The following P2RY12 variants were observed in gnomAD, a reference collection of about 807,000 sequenced individuals.
P2RY12 encodes P2Y purinoceptor 12.
Under a neutral mutation model 4.5 loss-of-function variants are expected in P2RY12, and 3 were observed. That is an observed-to-expected ratio of 0.67 (90% CI 0.31 to 1.74). The LOEUF (loss-of-function observed/expected upper bound fraction) is 1.74. Ranked by LOEUF, P2RY12 falls within the 40% of genes most tolerant of loss-of-function variation. The pLI is 0.09. For synonymous variants in P2RY12, 148 were observed against 154.1 expected (o/e 0.96, Z 0.29); for missense variants, 356 against 407.8 (o/e 0.87, Z 1.09).
chr3:151,369,483 G>A, intron 1 of P2RY12: 1 of 1,612,142 alleles, frequency 6.2e-7, no homozygotes, highest in Non-Finnish European at 8.5e-7. Context: ...ACACCTCTTA[G>A]CCGCTGCTCA....
At chr3:151,360,418 G>T in intron 1 of P2RY12, 1 of 1,530,100 alleles carries the variant, frequency 6.5e-7, no homozygotes, top group Non-Finnish European at 8.9e-7. Flanking sequence ...AGAGTCAAAT[G>T]ATAACCCACA....
At chr3:151,374,856 C>G (rs9865547) in intron 1 of P2RY12, among the ~76,000 whole-genome samples, 27,506 of 152,022 alleles carry the variant, frequency 0.18, 3,251 homozygotes, top group African/African-American at 0.33. Context: ...CCTCCCATAT[C>G]CCTCTTACCA....
chr3:151,352,434 G>A (rs1298108456), intron 1 of P2RY12, among the ~76,000 whole-genome samples: 2 of 152,184 alleles, frequency 1.3e-5, no homozygotes, highest in African/African-American at 2.4e-5. Context: ...AATTTGGGAT[G>A]TAGTGAGCTG....
At chr3:151,384,229 G>A (rs767452217) in intron 1 of P2RY12, 31 of 1,602,080 alleles carry the variant, frequency 1.9e-5, no homozygotes, top group Non-Finnish European at 2.6e-5. Context: ...GTAAGTTTGA[G>A]ATCAGCCTGT....
intron 1 of P2RY12, among the ~76,000 whole-genome samples, chr3:151,377,386 A>C (rs1298833956): frequency 6.6e-6 from 1 of 152,228 alleles, no homozygotes; most frequent in Non-Finnish European, 1.5e-5. Flanking sequence ...AAACACCTTG[A>C]AACTGCAGGT....
At chr3:151,380,271 C>T (rs1304519737) in intron 1 of P2RY12, 2 of 1,283,598 alleles carry the variant, frequency 1.6e-6, no homozygotes, top group Middle Eastern at 1.8e-4. Flanking sequence ...TTTCTAACGG[C>T]ATTCATTTAT....
chr3:151,358,767 G>A (rs1754254298), intron 1 of P2RY12, among the ~76,000 whole-genome samples: 1 of 152,100 alleles, frequency 6.6e-6, no homozygotes, highest in Non-Finnish European at 1.5e-5. Context: ...TATGTGAACA[G>A]TACACTGGAT....
intron 1 of P2RY12, among the ~76,000 whole-genome samples, chr3:151,348,877 TCTC>T (rs1553789296): frequency 6.6e-6 from 1 of 152,186 alleles, no homozygotes; most frequent in Non-Finnish European, 1.5e-5. Context: ...ACATTGGACT[TCTC>T]CTAGTCTGAG....
rs1464346390 is a variant in P2RY12 at position 151,373,661 on chromosome 3, AT to A, written c.-180+11030del. 3.9e-4 allele frequency among the ~76,000 whole-genome samples: 60 copies of A among 152,092 alleles called. No individual in the cohort carries two copies. In the East Asian group the frequency reaches 9.8e-3, roughly 25 times the overall value. On this transcript the variant is annotated intron_variant, in intron 1 of 2. Coordinates refer to ENST00000302632, the MANE Select transcript of P2RY12 (RefSeq NM_022788.5). ...CCTCTCCCCTGTTTATTTATTATCCATATGGGTTATAATATACTGTACTTAG... is the reference window on the plus strand; with the variant it reads ...CCTCTCCCCTGTTTATTTATTATCCAATGGGTTATAATATACTGTACTTAG...
At chr3:151,370,406 T>C (rs1325203411) in intron 1 of P2RY12, among the ~76,000 whole-genome samples, 1 of 152,172 alleles carries the variant, frequency 6.6e-6, no homozygotes, top group East Asian at 1.9e-4. Flanking sequence ...GGCTATAATC[T>C]TGCTCTGCTT....
intron 1 of P2RY12, among the ~76,000 whole-genome samples, chr3:151,353,441 C>T (rs977605602): frequency 6.6e-6 from 1 of 152,146 alleles, no homozygotes; most frequent in African/African-American, 2.4e-5. Flanking sequence ...TTTGTTAGTT[C>T]CTAATCTTTG....
intron 1 of P2RY12, chr3:151,360,434 C>G (rs1200359959): frequency 5.7e-6 from 9 of 1,589,910 alleles, no homozygotes; most frequent in African/African-American, 2.7e-5. Flanking sequence ...CCACATAGTA[C>G]AAATCTATGT....
intron 1 of P2RY12, 84 bp from the exon 2 acceptor site, chr3:151,340,844 C>T (rs1751722636): frequency 6.6e-6 from 1 of 152,472 alleles, no homozygotes; most frequent in Non-Finnish European, 1.5e-5. Flanking sequence ...TATGCAGACA[C>T]TGAATTTCTA....
At chr3:151,365,077 A>G (rs1368635853) in intron 1 of P2RY12, 2 of 1,613,984 alleles carry the variant, frequency 1.2e-6, no homozygotes, top group Admixed American at 3.3e-5. Flanking sequence ...GATTTTATTG[A>G]GAATCCCTCA....
In P2RY12 at chr3:151,338,410, C is replaced by T; in HGVS notation, c.436G>A (p.Val146Ile). Reference protein sequence around the residue: ...KNLLGAKILSVVIWAFMFLLS... With the variant: ...KNLLGAKILSIVIWAFMFLLS... ...AAGAACATGAATGCCCAGATGACAA[C>T]AGAGAGAATCTTAGCCCCCAAGAGA... Residue 146 changes from valine to isoleucine, a missense_variant, in exon 3 of 3, where the codon GTT becomes ATT. Physicochemically the swap from Val to Ile is conservative, Grantham distance 29. Coordinates refer to ENST00000302632, the MANE Select transcript of P2RY12 (RefSeq NM_022788.5). The T allele has an allele frequency of 1.2e-6, 2 of 1,614,078 alleles. No homozygotes were observed. The highest frequency in any genetic ancestry group is 1.7e-6 in the Non-Finnish European group (2 of 1,180,006).
intron 1 of P2RY12, among the ~76,000 whole-genome samples, chr3:151,343,746 GTGGCTTAACTGGTTTGT>G (rs71959066): frequency 0.39 from 59,635 of 151,542 alleles, 11,939 homozygotes; most frequent in African/African-American, 0.47. Flanking sequence ...TTACTTTTAA[GTGGCTTAACTGGTTTGT>G]TTATTTTACC....
chr3:151,355,500 T>C (rs1225267143), intron 1 of P2RY12, among the ~76,000 whole-genome samples: 2 of 152,192 alleles, frequency 1.3e-5, no homozygotes. Flanking sequence ...ATAGTTAGGT[T>C]ATTAGAGTTT....
intron 1 of P2RY12, among the ~76,000 whole-genome samples, chr3:151,346,388 G>T (rs1752541826): frequency 6.6e-6 from 1 of 152,138 alleles, no homozygotes; most frequent in African/African-American, 2.4e-5. Context: ...TCAAGCTGTT[G>T]TTCTTCATGC....
intron 1 of P2RY12, chr3:151,380,355 G>C: frequency 1.8e-6 from 1 of 570,550 alleles, no homozygotes; most frequent in Non-Finnish European, 2.9e-6. Flanking sequence ...CCAGCACTTT[G>C]GGAGGCGGAG....
Sources: allele counts gnomAD v4.1 joint callset (sites outside exome capture counted in the v4.1 genomes callset), GRCh38; gene constraint gnomAD v4.1.1; transcripts MANE v1.5; gene names NCBI Gene and HGNC (gene_info 2026-07-23, HGNC 2026-07-21).